CLPX: variants seen among roughly 807,000 people sequenced by gnomAD.
CLPX encodes the protein caseinolytic mitochondrial matrix peptidase chaperone subunit X, also known as ATP-dependent clpX-like chaperone, mitochondrial.
CLPX carries 34 observed loss-of-function variants against 76.4 expected under a neutral mutation model. The observed-to-expected ratio is 0.45, with a 90% CI of 0.34 to 0.59. CLPX has a LOEUF of 0.59. CLPX is among the 20% of genes least tolerant of loss of function. The pLI is 0.01. For synonymous variants in CLPX, 248 were observed against 270.9 expected (o/e 0.92, Z 0.83); for missense variants, 613 against 757.0 (o/e 0.81, Z 2.23).
intron 3 of CLPX, among the ~76,000 whole-genome samples, chr15:65,172,254 T>C (rs1566984596): frequency 6.6e-6 from 1 of 152,200 alleles, no homozygotes; most frequent in Admixed American, 6.6e-5. Context: ...TGAACCACCA[T>C]GCCTGGCCAA....
At position 65,157,688 on chromosome 15, in the gene CLPX, A is replaced by G; in HGVS notation, c.1057+58T>C. 5 of 1,473,802 alleles carry G rather than the reference A, an allele frequency of 3.4e-6. No homozygotes were observed. In the South Asian group the frequency reaches 6.4e-5, roughly 19 times the overall value. 91.3% of individuals were successfully genotyped at this position (1,473,802 alleles called of 1,614,324 possible). On this transcript the variant is annotated intron_variant, in intron 8 of 13. Coordinates refer to ENST00000300107, the MANE Select transcript of CLPX (RefSeq NM_006660.5). ...AAAACAAGAATTATATTGTCTCTTA[A>G]TATTAGACTGATTCCCCAATATTCT...
At chr15:65,159,726 A>G (rs1032632106) in intron 6 of CLPX, among the ~76,000 whole-genome samples, 6 of 152,050 alleles carry the variant, frequency 3.9e-5, no homozygotes, top group Non-Finnish European at 8.8e-5. Context: ...AAATATTCAG[A>G]TTGTTCTTGG....
At chr15:65,152,309 T>C in intron 13 of CLPX, 121 bp downstream of exon 13, 1 of 397,862 alleles carries the variant, frequency 2.5e-6, no homozygotes, top group Non-Finnish European at 4.4e-6. Context: ...AACTTGAGAT[T>C]ATTGCTTCCC....
chr15:65,155,946 ATG>A (rs1566979369), intron 9 of CLPX, 90 bp from the exon 10 acceptor site: 2 of 1,139,262 alleles, frequency 1.8e-6, no homozygotes, highest in Non-Finnish European at 2.6e-6. Context: ...GGAAAACAAT[ATG>A]TGATTATAGT....
At chr15:65,182,131 AAAG>A (rs1280203764) in intron 1 of CLPX, among the ~76,000 whole-genome samples, 35 of 151,376 alleles carry the variant, frequency 2.3e-4, no homozygotes, top group African/African-American at 8.5e-4. Context: ...AAAAAAAAAA[AAAG>A]AAAGAAAGAA....
intron 3 of CLPX, among the ~76,000 whole-genome samples, chr15:65,167,238 T>C (rs544188321): frequency 6.6e-6 from 1 of 150,980 alleles, no homozygotes; most frequent in East Asian, 1.9e-4. Flanking sequence ...GCCCAGCTAA[T>C]TTTTGTATTT....
chr15:65,155,229 C>T lies in CLPX; in HGVS notation c.1312-148G>A, dbSNP rs1355481162. 7 of 810,700 alleles carry T rather than the reference C, an allele frequency of 8.6e-6. No homozygotes were observed. In the East Asian group the frequency reaches 1.9e-4, roughly 22 times the overall value. The allele number at this position is 810,700 out of a possible 1,614,324, so 50.2% of individuals were successfully genotyped here. A position where few individuals can be genotyped will look rare whatever the true frequency, so the allele number is the denominator to read the frequency against. On this transcript the variant is annotated intron_variant, in intron 10 of 13. Coordinates refer to ENST00000300107, the MANE Select transcript of CLPX (RefSeq NM_006660.5). ...ACATTTTACAAAGGAAAAAAACAGG[C>T]TTAGAGAGTTTAATATCTTGACCAA... is the stretch of plus-strand genomic sequence containing the variant.
chr15:65,185,039 C>T (rs547000882), intron 1 of CLPX, 36 bp downstream of exon 1: 2 of 1,510,262 alleles, frequency 1.3e-6, no homozygotes, highest in South Asian at 1.2e-5. Context: ...CCCCCCCCGA[C>T]AGGCTGAGGG....
chr15:65,152,539 A>G lies in CLPX; in HGVS notation c.1705-3T>C. On this transcript the variant is annotated splice_polypyrimidine_tract_variant and splice_region_variant and intron_variant, in intron 12 of 13. Coordinates refer to ENST00000300107, the MANE Select transcript of CLPX (RefSeq NM_006660.5). The stretch of plus-strand genomic sequence containing the variant: ...ATTGGTTCTAGTAACAGCTTTTCCT[A>G]AAGAAATAAAAAGTAATGAATCACA... The G allele has an allele frequency of 4.8e-6, 7 of 1,450,018 alleles. 1 individual carries two copies. Among genetic ancestry groups the G allele is most frequent in the Middle Eastern group, 1.8e-4 (1 of 5,516 alleles). 89.8% of individuals were successfully genotyped at this position (1,450,018 alleles called of 1,614,324 possible).
intron 3 of CLPX, among the ~76,000 whole-genome samples, chr15:65,173,387 AG>A: frequency 1.3e-5 from 2 of 150,620 alleles, no homozygotes; most frequent in Admixed American, 6.6e-5. Context: ...AAAAAAAAAA[AG>A]AAGACAGACA....
chr15:65,181,965 T>C (rs1288597682), intron 1 of CLPX, among the ~76,000 whole-genome samples: 1 of 150,054 alleles, frequency 6.7e-6, no homozygotes, highest in Admixed American at 6.6e-5. Context: ...CTACTAAAAA[T>C]ACAAAAAATT....
chr15:65,156,826 A>T lies in CLPX; in HGVS notation c.1146+18T>A, dbSNP rs1207926390. 2.5e-6 allele frequency: 4 copies of T among 1,572,268 alleles called. No homozygotes were observed. Among genetic ancestry groups the T allele is most frequent in the Non-Finnish European group, 3.5e-6 (4 of 1,143,024 alleles). On this transcript the variant is annotated intron_variant, in intron 9 of 13. Transcript: ENST00000300107. Reference sequence around the variant, plus strand: ...CCCTTCCTTTTAGTGGGCTTGAACAAAATACTCAACTGCTTACTTGCTGAA... The same window carrying T: ...CCCTTCCTTTTAGTGGGCTTGAACATAATACTCAACTGCTTACTTGCTGAA...
chr15:65,172,980 A>G (rs2088031698), intron 3 of CLPX, among the ~76,000 whole-genome samples: 1 of 152,184 alleles, frequency 6.6e-6, no homozygotes, highest in African/African-American at 2.4e-5. Flanking sequence ...GCGCCACTGC[A>G]TCGTAGCCTG....
intron 8 of CLPX, among the ~76,000 whole-genome samples, chr15:65,157,304 G>A (rs1244572362): frequency 6.6e-6 from 1 of 152,130 alleles, no homozygotes; most frequent in Admixed American, 6.5e-5. Flanking sequence ...ATTTGAACAG[G>A]AAGCTGTCAT....
At chr15:65,184,884 C>A (rs1326154210) in intron 1 of CLPX, among the ~76,000 whole-genome samples, 191 bp downstream of exon 1, 1 of 152,272 alleles carries the variant, frequency 6.6e-6, no homozygotes, top group Non-Finnish European at 1.5e-5. Flanking sequence ...CCAATTTGAG[C>A]AACGGCTGCT....
At chr15:65,165,076 GC>G (rs1209130772) in intron 4 of CLPX, among the ~76,000 whole-genome samples, 1 of 152,090 alleles carries the variant, frequency 6.6e-6, no homozygotes, top group African/African-American at 2.4e-5. Context: ...GTGGCTCACG[GC>G]TGTAATCCCT....
chr15:65,180,064 C>T lies in CLPX; in HGVS notation c.220G>A (p.Gly74Ser). The T allele has an allele frequency of 1.2e-6, 2 of 1,606,646 alleles. No homozygotes were observed. The highest frequency in any genetic ancestry group is 1.7e-6 in the Non-Finnish European group (2 of 1,176,104). The part of the protein sequence containing the change: ...FASKDGISKD[G>S]SGDGNKKSAS... ...ATTACCTTATTTCCATCTCCAGAAC[C>T]ATCTTTACTTATCCCATCTTTTGAG... The change falls in exon 2 of 14, where the codon GGT becomes AGT. Residue 74 changes from glycine to serine, a missense_variant. Gly to Ser is a moderately conservative substitution (Grantham distance 56). This residue lies in a region of CLPX where 163 missense variants were observed against 118.4 expected (regional missense o/e 1.38). Coordinates refer to ENST00000300107, the MANE Select transcript of CLPX (RefSeq NM_006660.5).
Position 65,156,868 on chromosome 15 carries a change from A to G in CLPX, c.1122T>C (p.Asp374=). 6.2e-7 allele frequency: 1 copy of G among 1,613,368 alleles called. No homozygotes were observed. ...CTTGCTGAACGCCTTCTCCACCTAC[A>G]TCCCGTAATTGATGAATGCCTGGCA... ...GSVPGIHQLR[D]VGGEGVQQGL... is the part of the protein sequence containing the mutation. The change falls in exon 9 of 14, where the codon GAT becomes GAC. Residue 374 remains aspartate (D), a synonymous_variant. Transcript: ENST00000300107.
intron 3 of CLPX, among the ~76,000 whole-genome samples, chr15:65,172,489 C>T (rs1432191665): frequency 2.0e-5 from 3 of 151,882 alleles, no homozygotes; most frequent in Admixed American, 6.6e-5. Flanking sequence ...AAAAATTAGC[C>T]GGGCATGTTG....
Sources: gnomAD v4.1 joint callset for allele counts (sites outside exome capture counted in the v4.1 genomes callset) on GRCh38, gnomAD v4.1.1 for gene constraint, gnomAD v4.1.1 regional missense constraint, MANE v1.5 for transcripts, NCBI Gene and HGNC (gene_info 2026-07-23, HGNC 2026-07-21) for gene names.